CABIN1: variants seen among roughly 807,000 people sequenced by gnomAD.
CABIN1 encodes calcineurin-binding protein cabin-1.
A neutral mutation model predicts 227.7 loss-of-function variants in CABIN1; 133 were observed. The observed-to-expected ratio is 0.58, with a 90% CI of 0.51 to 0.67. The LOEUF (loss-of-function observed/expected upper bound fraction) is 0.67. Among genes scored for constraint, CABIN1 ranks in the 30% least tolerant of loss-of-function variants. CABIN1 has a pLI of 0.00. For synonymous variants in CABIN1, 1,086 were observed against 1,155.1 expected (o/e 0.94, Z 1.21); for missense variants, 2,408 against 2,852.5 (o/e 0.84, Z 3.55).
chr22:24,087,411 T>A (rs762735233), intron 22 of CABIN1, 41 bp from the exon 23 acceptor site: 22 of 1,610,138 alleles, frequency 1.4e-5, no homozygotes, highest in Non-Finnish European at 1.9e-5. Flanking sequence ...ATGCTTTTCA[T>A]GTAGTGTTGT....
At chr22:24,076,026 A>AC in intron 18 of CABIN1, 143 bp from the exon 19 acceptor site, 1 of 653,848 alleles carries the variant, frequency 1.5e-6, no homozygotes. Context: ...AAGGCAAAAA[A>AC]AAAAAAAAAA....
At chr22:24,065,605 G>T (rs1433069089) in intron 15 of CABIN1, among the ~76,000 whole-genome samples, 1 of 152,082 alleles carries the variant, frequency 6.6e-6, no homozygotes, top group African/African-American at 2.4e-5. Flanking sequence ...ACGGGGTGGC[G>T]GCCGGGCAGA....
intron 29 of CABIN1, among the ~76,000 whole-genome samples, chr22:24,155,457 T>C (rs1189132564): frequency 1.3e-5 from 2 of 152,118 alleles, no homozygotes; most frequent in Non-Finnish European, 2.9e-5. Context: ...AACCCAGTGC[T>C]TTCTCTGTGG....
chr22:24,070,166 A>G (rs1196660182), intron 16 of CABIN1, among the ~76,000 whole-genome samples: 5 of 152,192 alleles, frequency 3.3e-5, no homozygotes, highest in Admixed American at 6.5e-5. Context: ...GAGTTCTTCC[A>G]TGTGCCAGGC....
At chr22:24,109,968 G>A (rs1378065081) in intron 26 of CABIN1, among the ~76,000 whole-genome samples, 1 of 152,182 alleles carries the variant, frequency 6.6e-6, no homozygotes, top group Non-Finnish European at 1.5e-5. Context: ...TCAGGAGTTT[G>A]AGACCAGCCT....
intron 34 of CABIN1, chr22:24,173,162 C>A (rs994955624): frequency 6.6e-6 from 1 of 152,220 alleles, no homozygotes; most frequent in Non-Finnish European, 1.5e-5. Context: ...GCCTGTGTCA[C>A]CCCTGGAGGC....
At chr22:24,094,850 CAAAA>C (rs949201808) in intron 24 of CABIN1, among the ~76,000 whole-genome samples, 4 of 140,816 alleles carry the variant, frequency 2.8e-5, no homozygotes, top group Non-Finnish European at 6.2e-5. Flanking sequence ...AAAAAAGAAA[CAAAA>C]ATGACATTTC....
At position 24,070,649 on chromosome 22, in the gene CABIN1, C is replaced by T. The variant is rs555182282; in HGVS notation, c.2233-151C>T. On this transcript the variant is annotated intron_variant, in intron 16 of 36. Transcript: ENST00000263119. Reference sequence around the variant, plus strand: ...ACTGGACTGCCCTTCTAGGCACCTCCGGGCTGCATGGGGCCTATGTTGTGC... The same window carrying T: ...ACTGGACTGCCCTTCTAGGCACCTCTGGGCTGCATGGGGCCTATGTTGTGC... 1.8e-5 allele frequency: 20 copies of T among 1,123,222 alleles called. No individual in the cohort carries two copies. The African/African-American group carries it at 1.8e-4, about 10-fold the overall frequency. 69.6% of individuals were successfully genotyped at this position (1,123,222 alleles called of 1,614,324 possible).
chr22:24,097,692 A>G (rs1371359165), intron 25 of CABIN1, among the ~76,000 whole-genome samples: 2 of 152,270 alleles, frequency 1.3e-5, no homozygotes, highest in Admixed American at 6.5e-5. Context: ...CACAGAAGGC[A>G]TAGACTTTGC....
intron 19 of CABIN1, among the ~76,000 whole-genome samples, 163 bp downstream of exon 19, chr22:24,076,447 T>TA (rs1188190395): frequency 6.6e-6 from 1 of 152,160 alleles, no homozygotes; most frequent in Non-Finnish European, 1.5e-5. Flanking sequence ...TCACTGTAGT[T>TA]ACCGAAGCTT....
rs184580754 is a variant in CABIN1 at position 24,104,724 on chromosome 22, A to G, written c.4117+6532A>G. 6.6e-5 allele frequency among the ~76,000 whole-genome samples: 10 copies of G among 152,302 alleles called. No individual in the cohort carries two copies. The East Asian group carries it at 1.3e-3, about 21-fold the overall frequency. On this transcript the variant is annotated intron_variant, in intron 26 of 36. Coordinates refer to ENST00000263119, the MANE Select transcript of CABIN1 (RefSeq NM_012295.4). ...CCCGGGCCAGCCTTGCTTCTGGTGG[A>G]CGTGTTCTTTTCCTGTGGTTGGCCA... is the stretch of plus-strand genomic sequence containing the variant.
intron 34 of CABIN1, among the ~76,000 whole-genome samples, chr22:24,172,680 G>T (rs1030715118): frequency 6.6e-6 from 1 of 152,232 alleles, no homozygotes; most frequent in Non-Finnish European, 1.5e-5. Context: ...ATGGCAGCCT[G>T]CAGACAGCTA....
At chr22:24,110,077 A>G (rs1314723715) in intron 26 of CABIN1, among the ~76,000 whole-genome samples, 1 of 152,192 alleles carries the variant, frequency 6.6e-6, no homozygotes, top group African/African-American at 2.4e-5. Context: ...AGGCTGAGGC[A>G]GGAGGATTGC....
rs1391802272 is a variant in CABIN1 at position 24,111,464 on chromosome 22, A to G, written c.4118-2102A>G. ...GCGTGAACCCTATTGTGAACTGCAC[A>G]TGTGAGGGATCTAGGTTGTGCGCTC... On this transcript the variant is annotated intron_variant, in intron 26 of 36. Coordinates refer to ENST00000263119, the MANE Select transcript of CABIN1 (RefSeq NM_012295.4). 2.6e-5 allele frequency among the ~76,000 whole-genome samples: 4 copies of G among 152,300 alleles called. No individual in the cohort carries two copies. In the East Asian group the frequency reaches 7.7e-4, roughly 29 times the overall value.
chr22:24,137,343 C>T lies in CABIN1; in HGVS notation c.4746+2928C>T, dbSNP rs565053714. Among the ~76,000 whole-genome samples, 12 of 152,342 alleles carry T rather than the reference C, an allele frequency of 7.9e-5. No individual in the cohort carries two copies. In the East Asian group the frequency reaches 2.1e-3, roughly 27 times the overall value. Reference sequence around the variant, plus strand: ...AGTTGGCAGCCACATGCTCCAGGCCCCTTTCCCACTGGGCTCACTCCCTGC... The same window carrying T: ...AGTTGGCAGCCACATGCTCCAGGCCTCTTTCCCACTGGGCTCACTCCCTGC... On this transcript the variant is annotated intron_variant, in intron 29 of 36. Coordinates refer to ENST00000263119, the MANE Select transcript of CABIN1 (RefSeq NM_012295.4).
chr22:24,085,639 A>G (rs886151295), intron 22 of CABIN1, among the ~76,000 whole-genome samples: 2 of 152,190 alleles, frequency 1.3e-5, no homozygotes, highest in Non-Finnish European at 2.9e-5. Context: ...GATTGTCATG[A>G]TAGTACATGT....
At chr22:24,030,145 A>G (rs577426848) in intron 1 of CABIN1, among the ~76,000 whole-genome samples, 151 of 152,312 alleles carry the variant, frequency 9.9e-4, no homozygotes, top group African/African-American at 3.4e-3. Context: ...GCCTGAGCAA[A>G]TACAATTTAT....
At chr22:24,099,430 G>A in intron 26 of CABIN1, among the ~76,000 whole-genome samples, 1 of 152,124 alleles carries the variant, frequency 6.6e-6, no homozygotes, top group East Asian at 1.9e-4. Flanking sequence ...AGTGTGTGCT[G>A]TGTCTCTTAC....
intron 16 of CABIN1, among the ~76,000 whole-genome samples, chr22:24,067,414 C>G (rs764755098): frequency 1.3e-5 from 2 of 152,174 alleles, no homozygotes; most frequent in Non-Finnish European, 1.5e-5. Flanking sequence ...GGGTGAACCC[C>G]ACACTTGACT....
Sources: allele counts gnomAD v4.1 joint callset (sites outside exome capture counted in the v4.1 genomes callset), GRCh38; gene constraint gnomAD v4.1.1; transcripts MANE v1.5; gene names NCBI Gene and HGNC (gene_info 2026-07-23, HGNC 2026-07-21).